The following LGR5 variants were observed in gnomAD, a reference collection of about 807,000 sequenced individuals.
The protein encoded by LGR5 is leucine-rich repeat-containing G protein-coupled receptor 5.
LGR5 carries 54 observed loss-of-function variants against 76.7 expected under a neutral mutation model. The observed-to-expected ratio is 0.70, with a 90% confidence interval of 0.57 to 0.88. The LOEUF is 0.88. Among genes scored for constraint, LGR5 ranks in the 40% least tolerant of loss-of-function variants. The pLI is 0.00. For missense variants in LGR5, 1,078 were observed against 1,073.3 expected (o/e 1.00, Z -0.06); for synonymous variants, 406 against 421.9 (o/e 0.96, Z 0.46).
intron 1 of LGR5, among the ~76,000 whole-genome samples, chr12:71,493,582 G>A (rs971759890): frequency 6.6e-6 from 1 of 151,044 alleles, no homozygotes; most frequent in East Asian, 1.9e-4. Flanking sequence ...ATGTAATTGA[G>A]CAAAAGGATT....
intron 1 of LGR5, among the ~76,000 whole-genome samples, chr12:71,484,565 A>G (rs12823838): frequency 0.089 from 13,618 of 152,208 alleles, 652 homozygotes; most frequent in Non-Finnish European, 0.11. Flanking sequence ...TCTTCAGGAA[A>G]GTGCATAAAC....
rs1202950692 is a variant in LGR5, at chr12:71,579,044, T to C, written c.1406+115T>C. 4 of 923,340 alleles carry C rather than the reference T, an allele frequency of 4.3e-6. No individual in the cohort carries two copies. In the East Asian group the frequency reaches 8.3e-5, roughly 19 times the overall value. 57.2% of individuals were successfully genotyped at this position (923,340 alleles called of 1,614,324 possible). A position where few individuals can be genotyped will look rare whatever the true frequency, so the allele number is the denominator to read the frequency against. On this transcript the variant is annotated intron_variant, in intron 15 of 17. Coordinates refer to ENST00000266674, the MANE Select transcript of LGR5 (RefSeq NM_003667.4). Reference sequence around the variant, plus strand: ...TGAGACACTTTTGAATTGCATTTCATGCCCTCAAGTCTCCTAACCCTGGAG... The same window carrying C: ...TGAGACACTTTTGAATTGCATTTCACGCCCTCAAGTCTCCTAACCCTGGAG...
At chr12:71,459,448 C>A (rs897959271) in intron 1 of LGR5, among the ~76,000 whole-genome samples, 2 of 152,120 alleles carry the variant, frequency 1.3e-5, no homozygotes, top group African/African-American at 4.8e-5. Flanking sequence ...GCCCCACTCC[C>A]CACTGGAAGT....
rs1263793930 is a variant in LGR5 at position 71,584,479 on chromosome 12, C to T, written c.2469C>T (p.Phe823=). The change falls in exon 18 of 18, where the codon TTC becomes TTT. Residue 823 remains phenylalanine, a synonymous_variant. Transcript: ENST00000266674. ...TCAATCCCCTTCTCTACATCTTGTT[C>T]AATCCTCACTTTAAGGAGGATCTGG... ...ACLNPLLYIL[F]NPHFKEDLVS... is the part of the protein sequence containing the mutation. The T allele has an allele frequency of 6.2e-7, 1 of 1,614,142 alleles. No homozygotes were observed. The highest frequency in any genetic ancestry group is 8.5e-7 in the Non-Finnish European group (1 of 1,180,004).
chr12:71,566,972 T>C (rs1374562678), intron 11 of LGR5, 60 bp downstream of exon 11: 2 of 1,222,048 alleles, frequency 1.6e-6, no homozygotes, highest in East Asian at 2.3e-5. Context: ...AGGGGTGAAA[T>C]GGCAGACATG....
chr12:71,487,014 A>G (rs1873859461), intron 1 of LGR5, among the ~76,000 whole-genome samples: 1 of 152,168 alleles, frequency 6.6e-6, no homozygotes, highest in African/African-American at 2.4e-5. Flanking sequence ...AGCCCAAACC[A>G]CAGTATCCAG....
At position 71,568,228 on chromosome 12, in the gene LGR5, C is replaced by A. The variant is rs989150469; in HGVS notation, c.1070+1316C>A. Among the ~76,000 whole-genome samples, 6 of 152,184 alleles carry A rather than the reference C, an allele frequency of 3.9e-5. No homozygotes were observed. In the South Asian group the frequency reaches 1.0e-3, roughly 26 times the overall value. On this transcript the variant is annotated intron_variant, in intron 11 of 17. Transcript: ENST00000266674. ...AACTGCATGAATGGAGGCTCACTGGCAAAATGACTTTAAAAGCAAAGGCTG... is the reference window on the plus strand; with the variant it reads ...AACTGCATGAATGGAGGCTCACTGGAAAAATGACTTTAAAAGCAAAGGCTG...
In LGR5 at chr12:71,472,904, T is replaced by A. The variant is rs1256667745; in HGVS notation, c.213-31710T>A. On this transcript the variant is annotated intron_variant, in intron 1 of 17. Transcript: ENST00000266674. ...TGATTGTATAAAGCACATTCTATGATCAAAAAGGACAATGCAAACCTAATC... is the reference window on the plus strand; with the variant it reads ...TGATTGTATAAAGCACATTCTATGAACAAAAAGGACAATGCAAACCTAATC... Among the ~76,000 whole-genome samples, 3 of 152,168 alleles carry A rather than the reference T, an allele frequency of 2.0e-5. No homozygotes were observed. The East Asian group carries it at 5.8e-4, about 29-fold the overall frequency.
chr12:71,523,108 C>T (rs183821112), intron 2 of LGR5, among the ~76,000 whole-genome samples: 66 of 152,216 alleles, frequency 4.3e-4, no homozygotes, highest in African/African-American at 1.3e-3. Context: ...ATTTGATAAG[C>T]GTAGCATTTC....
chr12:71,581,957 G>T (rs1187931319), intron 16 of LGR5, among the ~76,000 whole-genome samples: 1 of 152,188 alleles, frequency 6.6e-6, no homozygotes, highest in African/African-American at 2.4e-5. Flanking sequence ...TTCATGGATA[G>T]CTAAACCAAG....
intron 1 of LGR5, among the ~76,000 whole-genome samples, chr12:71,446,253 C>CA (rs1871985180): frequency 2.0e-5 from 3 of 152,226 alleles, no homozygotes; most frequent in Admixed American, 1.3e-4. Flanking sequence ...AATTATTGTC[C>CA]AGCCCCATTT....
Position 71,566,900 on chromosome 12 carries a change from A to G in LGR5, c.1058A>G (p.Asn353Ser). The change falls in exon 11 of 18, where the codon AAT becomes AGT. Residue 353 changes from asparagine to serine, a missense_variant. By Grantham distance (46) the Asn-to-Ser change is conservative. Coordinates refer to ENST00000266674, the MANE Select transcript of LGR5 (RefSeq NM_003667.4). ...LPQTVCNQLP[N>S]LQVLDLSYNL... ...CAAACCGTCTGCAATCAGTTACCTA[A>G]TCTCCAAGTGCTGTGCGTATCAGTA... The G allele has an allele frequency of 6.2e-7, 1 of 1,612,616 alleles. No homozygotes were observed. The highest frequency in any genetic ancestry group is 8.5e-7 in the Non-Finnish European group (1 of 1,178,650).
chr12:71,504,469 T>C, intron 1 of LGR5, 145 bp from the exon 2 acceptor site: 1 of 738,366 alleles, frequency 1.4e-6, no homozygotes, highest in Non-Finnish European at 2.5e-6. Context: ...GGAATTAATA[T>C]TTAAGATGTA....
At chr12:71,442,219 A>G (rs1056660720) in intron 1 of LGR5, among the ~76,000 whole-genome samples, 2 of 152,168 alleles carry the variant, frequency 1.3e-5, no homozygotes, top group African/African-American at 4.8e-5. Context: ...TCCGTTACTA[A>G]AAGTTGGCAT....
intron 1 of LGR5, among the ~76,000 whole-genome samples, chr12:71,443,093 C>T (rs1200539731): frequency 6.6e-6 from 1 of 152,052 alleles, no homozygotes; most frequent in Non-Finnish European, 1.5e-5. Context: ...ATCACCCAAT[C>T]CCCTTCAAAA....
rs181954902 is a variant in LGR5 at position 71,510,070 on chromosome 12, A to G, written c.284+5385A>G. 5.3e-5 allele frequency among the ~76,000 whole-genome samples: 8 copies of G among 152,282 alleles called. No individual in the cohort carries two copies. The East Asian group carries it at 1.4e-3, about 26-fold the overall frequency. On this transcript the variant is annotated intron_variant, in intron 2 of 17. Transcript: ENST00000266674. ...GTCTTTTGAGATTTTTTTCTTCCTGAGGATCAAATGAAACAATGATCAAAG... is the reference window on the plus strand; with the variant it reads ...GTCTTTTGAGATTTTTTTCTTCCTGGGGATCAAATGAAACAATGATCAAAG...
intron 4 of LGR5, among the ~76,000 whole-genome samples, chr12:71,535,552 T>C (rs1244941196): frequency 3.3e-5 from 5 of 152,208 alleles, no homozygotes; most frequent in African/African-American, 9.7e-5. Context: ...CATTTTGACA[T>C]CTTTGATTTA....
At chr12:71,566,787 T>C (rs768958781) in intron 10 of LGR5, 54 bp from the exon 11 acceptor site, 12 of 1,581,386 alleles carry the variant, frequency 7.6e-6, no homozygotes, top group East Asian at 2.2e-5. Flanking sequence ...AGTCAAAATA[T>C]GTCACTGTGT....
In LGR5 at chr12:71,441,939, T is replaced by C. The variant is rs1385202589; in HGVS notation, c.212+1647T>C. ...AACCACTCTAGTTTAACTGCTAAAG[T>C]CAGTGTTGCAAGGATCCCGCGCTCT... On this transcript the variant is annotated intron_variant, in intron 1 of 17. Transcript: ENST00000266674. 3 of 152,154 alleles carry C rather than the reference T, an allele frequency of 2.0e-5. No homozygotes were observed. In the East Asian group the frequency reaches 5.8e-4, roughly 29 times the overall value. 9.4% of individuals were successfully genotyped at this position (152,154 alleles called of 1,614,324 possible). A position where few individuals can be genotyped will look rare whatever the true frequency, so the allele number is the denominator to read the frequency against.
Sources: allele counts gnomAD v4.1 joint callset (sites outside exome capture counted in the v4.1 genomes callset), GRCh38; gene constraint gnomAD v4.1.1; transcripts MANE v1.5; gene names NCBI Gene and HGNC (gene_info 2026-07-23, HGNC 2026-07-21).